Variants in MBD5 observed in about 807,000 individuals in gnomAD.
MBD5 encodes the protein methyl-CpG-binding domain protein 5.
MBD5 carries 13 observed loss-of-function variants against 117.3 expected under a neutral mutation model. The ratio of observed to expected loss-of-function variants is 0.11; its 90% CI spans 0.07 to 0.18. MBD5 has a LOEUF of 0.18. Among genes scored for constraint, MBD5 ranks in the 10% least tolerant of loss-of-function variants. MBD5 has a pLI of 1.00. For missense variants in MBD5, 1,879 were observed against 2,093.8 expected (o/e 0.90, Z 2.00); for synonymous variants, 727 against 766.4 (o/e 0.95, Z 0.85).
chr2:148,380,912 G>A (rs1704122586), intron 4 of MBD5, among the ~76,000 whole-genome samples: 1 of 152,148 alleles, frequency 6.6e-6, no homozygotes, highest in Non-Finnish European at 1.5e-5. Context: ...TGAGGGTCCT[G>A]ACTGTTAGAA....
At chr2:148,188,083 A>G (rs1698712027) in intron 2 of MBD5, among the ~76,000 whole-genome samples, 1 of 152,224 alleles carries the variant, frequency 6.6e-6, no homozygotes, top group African/African-American at 2.4e-5. Context: ...AAACTTATTG[A>G]GTGCCTACCC....
intron 11 of MBD5, among the ~76,000 whole-genome samples, chr2:148,492,752 G>C (rs1019948013): frequency 6.6e-6 from 1 of 151,876 alleles, no homozygotes; most frequent in Non-Finnish European, 1.5e-5. Flanking sequence ...CACCAGAAAA[G>C]GTAAAAATTC....
chr2:148,119,498 C>G (rs1574034188), intron 1 of MBD5, among the ~76,000 whole-genome samples: 1 of 152,064 alleles, frequency 6.6e-6, no homozygotes, highest in South Asian at 2.1e-4. Context: ...ACGAAATGTC[C>G]TAGTTTTGAT....
At chr2:148,305,352 G>A (rs1450390646) in intron 3 of MBD5, among the ~76,000 whole-genome samples, 8 of 152,172 alleles carry the variant, frequency 5.3e-5, no homozygotes, top group African/African-American at 1.9e-4. Context: ...TCCTCATTTG[G>A]TAGAGGATGT....
intron 1 of MBD5, among the ~76,000 whole-genome samples, chr2:148,172,600 G>A (rs1038446185): frequency 1.4e-4 from 22 of 152,160 alleles, no homozygotes; most frequent in Admixed American, 6.5e-5. Flanking sequence ...GAAAGGGGCA[G>A]GTCCCTGGTG....
chr2:148,050,992 G>C (rs1694683620), intron 1 of MBD5, among the ~76,000 whole-genome samples: 1 of 152,072 alleles, frequency 6.6e-6, no homozygotes, highest in Non-Finnish European at 1.5e-5. Flanking sequence ...AGATTGTATT[G>C]AGTCTGTGGA....
At chr2:148,051,643 GTGTGTT>G (rs1694707287) in intron 1 of MBD5, among the ~76,000 whole-genome samples, 1 of 128,890 alleles carries the variant, frequency 7.8e-6, no homozygotes, top group African/African-American at 2.9e-5. Context: ...GTGTGTGTGT[GTGTGTT>G]GTCATGAAAG....
At chr2:148,281,344 C>G (rs1701240858) in intron 3 of MBD5, among the ~76,000 whole-genome samples, 1 of 152,064 alleles carries the variant, frequency 6.6e-6, no homozygotes, top group Non-Finnish European at 1.5e-5. Flanking sequence ...CTACTATATC[C>G]TTTTCTAATA....
At chr2:148,334,034 T>G (rs1192673674) in intron 3 of MBD5, among the ~76,000 whole-genome samples, 5 of 152,228 alleles carry the variant, frequency 3.3e-5, no homozygotes, top group Admixed American at 6.5e-5. Context: ...TTTATTTATT[T>G]ATTTACTTTT....
intron 3 of MBD5, among the ~76,000 whole-genome samples, chr2:148,235,387 A>T (rs1700070053): frequency 6.6e-6 from 1 of 152,140 alleles, no homozygotes; most frequent in South Asian, 2.1e-4. Context: ...GACTGTATCA[A>T]TGGTATATAG....
At chr2:148,052,209 T>TTG (rs1243995859) in intron 1 of MBD5, among the ~76,000 whole-genome samples, 2 of 134,036 alleles carry the variant, frequency 1.5e-5, no homozygotes, top group Non-Finnish European at 3.2e-5. Flanking sequence ...TTATTGAGTT[T>TTG]TTTTTTTTTT....
rs543900471 is a variant in MBD5, at chr2:148,424,931, G to A, written c.-556-33272G>A. Among the ~76,000 whole-genome samples the A allele has an allele frequency of 6.4e-4, 98 of 152,170 alleles. 1 individual carries two copies. The highest frequency in any genetic ancestry group is 3.4e-3 in the Middle Eastern group (1 of 294). On this transcript the variant is annotated intron_variant, in intron 4 of 13. Transcript: ENST00000642680. ...GCACTAAATTCCCACAAGAGAAAGC[G>A]GGAAAGATCTAAAATCAACACCCTA...
At chr2:148,049,832 T>A (rs1194776551) in intron 1 of MBD5, among the ~76,000 whole-genome samples, 4 of 152,202 alleles carry the variant, frequency 2.6e-5, no homozygotes, top group African/African-American at 4.8e-5. Context: ...GCCTTTTGTG[T>A]CTGGCTTCTT....
chr2:148,054,010 T>G (rs1170920035), intron 1 of MBD5: 1 of 151,864 alleles, frequency 6.6e-6, no homozygotes, highest in Non-Finnish European at 1.5e-5. Flanking sequence ...TGGGCTCAAG[T>G]GATTCTCCCA....
intron 4 of MBD5, among the ~76,000 whole-genome samples, chr2:148,385,229 C>A (rs916129797): frequency 1.3e-5 from 2 of 152,140 alleles, no homozygotes; most frequent in Non-Finnish European, 2.9e-5. Flanking sequence ...CAAAGGGCTA[C>A]TATCCAGAAT....
intron 3 of MBD5, among the ~76,000 whole-genome samples, chr2:148,312,409 T>C (rs560229452): frequency 6.6e-6 from 1 of 152,304 alleles, no homozygotes; most frequent in South Asian, 2.1e-4. Context: ...TGATCTTCAA[T>C]CTCTGATATC....
intron 3 of MBD5, among the ~76,000 whole-genome samples, chr2:148,306,026 T>C (rs925590427): frequency 5.3e-5 from 8 of 152,222 alleles, no homozygotes; most frequent in African/African-American, 1.9e-4. Flanking sequence ...AGAATGGTAA[T>C]TGATCACATA....
At chr2:148,229,858 G>A (rs1018471887) in intron 2 of MBD5, among the ~76,000 whole-genome samples, 4 of 152,080 alleles carry the variant, frequency 2.6e-5, no homozygotes, top group African/African-American at 9.7e-5. Flanking sequence ...CAAATGAATG[G>A]AGTCTGTCTG....
At chr2:148,143,068 A>G (rs1026025835) in intron 1 of MBD5, among the ~76,000 whole-genome samples, 1 of 152,232 alleles carries the variant, frequency 6.6e-6, no homozygotes, top group Admixed American at 6.5e-5. Flanking sequence ...AAGTCTTTAT[A>G]TATGATGAGA....
Sources: gnomAD v4.1 joint callset for allele counts (sites outside exome capture counted in the v4.1 genomes callset) on GRCh38, gnomAD v4.1.1 for gene constraint, MANE v1.5 for transcripts, NCBI Gene and HGNC (gene_info 2026-07-23, HGNC 2026-07-21) for gene names.